The following MPDZ variants were observed in gnomAD, a reference collection of about 807,000 sequenced individuals.
MPDZ encodes multiple PDZ domain protein.
In MPDZ, 234 loss-of-function variants were observed where a neutral mutation model predicts 239.1. That is an observed-to-expected ratio of 0.98 (90% CI 0.88 to 1.09). The LOEUF is 1.09. MPDZ is among the 50% of genes least tolerant of loss of function. The pLI is 0.00. For missense variants in MPDZ, 3,175 were observed against 2,510.0 expected (o/e 1.26, Z -5.66); for synonymous variants, 1,048 against 881.3 (o/e 1.19, Z -3.35).
chr9:13,119,888 T>A, intron 38 of MPDZ: 2 of 514,242 alleles, frequency 3.9e-6, no homozygotes, highest in Non-Finnish European at 7.0e-6. Flanking sequence ...TTCTTCATCA[T>A]TTATATACAC....
intron 1 of MPDZ, among the ~76,000 whole-genome samples, chr9:13,255,758 G>A (rs991086832): frequency 6.6e-6 from 1 of 152,170 alleles, no homozygotes; most frequent in Non-Finnish European, 1.5e-5. Flanking sequence ...CTGTTATCCA[G>A]TCTTTCTTTT....
At chr9:13,143,610 A>G in intron 26 of MPDZ, 46 bp from the exon 27 acceptor site, 1 of 1,490,252 alleles carries the variant, frequency 6.7e-7, no homozygotes, top group South Asian at 1.1e-5. Flanking sequence ...AAATGTATTG[A>G]AAACAACTCA....
At chr9:13,273,588 G>C (rs1973500496) in intron 1 of MPDZ, among the ~76,000 whole-genome samples, 1 of 152,146 alleles carries the variant, frequency 6.6e-6, no homozygotes, top group African/African-American at 2.4e-5. Context: ...CCAAGAGTTG[G>C]AGAGGGGATG....
chr9:13,207,956 A>T (rs1330726511), intron 10 of MPDZ, among the ~76,000 whole-genome samples: 5 of 152,236 alleles, frequency 3.3e-5, no homozygotes, highest in Non-Finnish European at 7.3e-5. Flanking sequence ...TTTAATGCTG[A>T]AATTCAAAGT....
chr9:13,159,445 C>T (rs1278642686), intron 23 of MPDZ, among the ~76,000 whole-genome samples: 4 of 151,992 alleles, frequency 2.6e-5, no homozygotes, highest in Non-Finnish European at 1.5e-5. Flanking sequence ...AAAACAATGT[C>T]AAAGAGTTGA....
At chr9:13,128,939 C>G (rs1945512524) in intron 32 of MPDZ, among the ~76,000 whole-genome samples, 1 of 152,180 alleles carries the variant, frequency 6.6e-6, no homozygotes, top group African/African-American at 2.4e-5. Flanking sequence ...CTCGATGACA[C>G]TGTTCAGTCA....
chr9:13,273,381 G>A (rs1449096679), intron 1 of MPDZ, among the ~76,000 whole-genome samples: 3 of 152,160 alleles, frequency 2.0e-5, no homozygotes, highest in Non-Finnish European at 2.9e-5. Context: ...TATGAACACA[G>A]AAGGATAGCT....
rs58374268 is a variant in MPDZ, at chr9:13,160,830, TTATATATATATATATATA to T, written c.3359+1843_3359+1860del. On this transcript the variant is annotated intron_variant, in intron 23 of 46. Transcript: ENST00000319217. ...CTTTTTTTTCTTGTCATTATTAAAA[TTATATATATATATATATA>T]TATATATATATATATATATATAAAA... Among the ~76,000 whole-genome samples, 193 of 37,988 alleles carry T rather than the reference TTATATATATATATATATA, an allele frequency of 5.1e-3. 10 individuals carry two copies. The highest frequency in any genetic ancestry group is 0.021 in the Admixed American group (42 of 2,016). The allele number at this position is 37,988 out of a possible 152,430, so 24.9% of individuals were successfully genotyped here.
intron 19 of MPDZ, among the ~76,000 whole-genome samples, chr9:13,182,925 A>AATAC: frequency 6.6e-6 from 1 of 152,086 alleles, no homozygotes; most frequent in Non-Finnish European, 1.5e-5. Flanking sequence ...ATTCACTGTG[A>AATAC]TTTTTTATGT....
intron 23 of MPDZ, among the ~76,000 whole-genome samples, chr9:13,159,475 A>T (rs1055408759): frequency 2.6e-5 from 4 of 152,170 alleles, no homozygotes; most frequent in African/African-American, 9.7e-5. Context: ...AGTAAAAGTG[A>T]AATCTTTGTC....
intron 24 of MPDZ, among the ~76,000 whole-genome samples, chr9:13,156,950 G>A (rs1015047345): frequency 6.6e-6 from 1 of 152,138 alleles, no homozygotes; most frequent in Non-Finnish European, 1.5e-5. Flanking sequence ...TTTTAAGTGA[G>A]TTAAGTGACT....
In MPDZ at chr9:13,167,396, C is replaced by T. The variant is rs117422962; in HGVS notation, c.3254+970G>A. ...AAATAATACTTTTTATATAAGACAGCGGAATCTGCTCCAAATGGTATATAC... is the reference window on the plus strand; with the variant it reads ...AAATAATACTTTTTATATAAGACAGTGGAATCTGCTCCAAATGGTATATAC... On this transcript the variant is annotated intron_variant, in intron 22 of 46. Coordinates refer to ENST00000319217, the MANE Select transcript of MPDZ (RefSeq NM_001378778.1). Among the ~76,000 whole-genome samples, 161 of 152,104 alleles carry T rather than the reference C, an allele frequency of 1.1e-3. 1 individual carries two copies. In the East Asian group the frequency reaches 0.015, roughly 14 times the overall value.
intron 3 of MPDZ, among the ~76,000 whole-genome samples, chr9:13,244,343 T>C (rs1034021094): frequency 2.6e-5 from 4 of 152,168 alleles, no homozygotes; most frequent in Non-Finnish European, 5.9e-5. Context: ...TTAAGCCCTG[T>C]AGTGATTAGC....
Position 13,125,497 on chromosome 9 carries a change from G to C in MPDZ, c.4633-107C>G. 4.0e-6 allele frequency: 4 copies of C among 1,001,684 alleles called. No individual in the cohort carries two copies. In the South Asian group the frequency reaches 7.8e-5, roughly 20 times the overall value. The allele number at this position is 1,001,684 out of a possible 1,614,324, so 62.0% of individuals were successfully genotyped here. A position where few individuals can be genotyped will look rare whatever the true frequency, so the allele number is the denominator to read the frequency against. On this transcript the variant is annotated intron_variant, in intron 34 of 46. Transcript: ENST00000319217. Reference sequence around the variant, plus strand: ...AATCTAATTCTCTCTATGGTTAAGGGGAGGGACAGATGCAAATTATTTCTT... The same window carrying C: ...AATCTAATTCTCTCTATGGTTAAGGCGAGGGACAGATGCAAATTATTTCTT...
At chr9:13,121,006 T>C (rs1197791676) in intron 38 of MPDZ, among the ~76,000 whole-genome samples, 1 of 152,238 alleles carries the variant, frequency 6.6e-6, no homozygotes. Flanking sequence ...TTATGAAACT[T>C]GCTGGATTAT....
At chr9:13,217,021 A>T (rs1958434291) in intron 9 of MPDZ, among the ~76,000 whole-genome samples, 159 bp from the exon 10 acceptor site, 1 of 151,970 alleles carries the variant, frequency 6.6e-6, no homozygotes. Flanking sequence ...TCTGTCTTAA[A>T]TACAATATAA....
chr9:13,179,250 A>C (rs1397155682), intron 19 of MPDZ, among the ~76,000 whole-genome samples: 1 of 152,170 alleles, frequency 6.6e-6, no homozygotes, highest in Non-Finnish European at 1.5e-5. Flanking sequence ...CAACTTTGAT[A>C]ATTTTATTCT....
intron 23 of MPDZ, among the ~76,000 whole-genome samples, chr9:13,158,634 G>T (rs566794107): frequency 6.6e-6 from 1 of 152,196 alleles, no homozygotes; most frequent in South Asian, 2.1e-4. Context: ...GAAAGACTTT[G>T]GTCCAGCTTC....
At chr9:13,200,959 T>A (rs1296573900) in intron 12 of MPDZ, among the ~76,000 whole-genome samples, 2 of 152,070 alleles carry the variant, frequency 1.3e-5, no homozygotes, top group Non-Finnish European at 2.9e-5. Context: ...ACTGATGTTT[T>A]ACTGTTGATT....
Sources: gnomAD v4.1 joint callset for allele counts (sites outside exome capture counted in the v4.1 genomes callset) on GRCh38, gnomAD v4.1.1 for gene constraint, MANE v1.5 for transcripts, NCBI Gene and HGNC (gene_info 2026-07-23, HGNC 2026-07-21) for gene names.